HIVEP3: variants seen among roughly 807,000 people sequenced by gnomAD.
HIVEP3 encodes the protein transcription factor HIVEP3.
Under a neutral mutation model 152.8 loss-of-function variants are expected in HIVEP3, and 49 were observed. That is an observed-to-expected ratio of 0.32 (90% CI 0.26 to 0.41). HIVEP3 has a LOEUF of 0.41. Ranked by LOEUF, HIVEP3 falls within the 10% of genes least tolerant of loss-of-function variation. HIVEP3 has a pLI of 1.00. For missense variants in HIVEP3, 2,790 were observed against 3,103.3 expected, an observed-to-expected ratio of 0.90 and a Z score of 2.40; for synonymous variants, 1,269 against 1,289.0, an observed-to-expected ratio of 0.98 and a Z score of 0.33.
intron 1 of HIVEP3, among the ~76,000 whole-genome samples, chr1:41,744,047 G>GT (rs35867428): frequency 0.083 from 12,307 of 148,526 alleles, 1,694 homozygotes; most frequent in African/African-American, 0.28. Context: ...GCATTTTTTT[G>GT]TTTTTTTTTT....
intron 1 of HIVEP3, among the ~76,000 whole-genome samples, chr1:41,778,123 G>C (rs1648825679): frequency 6.6e-6 from 1 of 152,158 alleles, no homozygotes; most frequent in Admixed American, 6.5e-5. Flanking sequence ...GCACTTCATT[G>C]ACCGAAAAGT....
At chr1:41,968,687 T>C (rs1470062455) in intron 1 of HIVEP3, among the ~76,000 whole-genome samples, 4 of 152,126 alleles carry the variant, frequency 2.6e-5, no homozygotes, top group African/African-American at 9.7e-5. Context: ...CTATTCAACA[T>C]AGTATTCAAA....
intron 1 of HIVEP3, among the ~76,000 whole-genome samples, chr1:41,766,285 G>T (rs1209960142): frequency 1.3e-5 from 2 of 152,180 alleles, no homozygotes; most frequent in African/African-American, 2.4e-5. Context: ...ACAACTAGAG[G>T]TTACTACTGG....
intron 1 of HIVEP3, among the ~76,000 whole-genome samples, chr1:42,011,288 A>G (rs946501206): frequency 6.6e-6 from 1 of 152,228 alleles, no homozygotes; most frequent in Non-Finnish European, 1.5e-5. Context: ...TGGAAAACCA[A>G]TATAATGTGG....
Position 41,581,856 on chromosome 1 carries a change from T to C in HIVEP3, c.2942A>G (p.His981Arg). The change falls in exon 4 of 9, where the codon CAC becomes CGC. Residue 981 changes from histidine (H) to arginine (R), a missense_variant. His to Arg is a conservative substitution (Grantham distance 29). Around this residue, in one of 9 missense-constraint regions of HIVEP3, gnomAD observed 1,078 missense variants for 1,165.3 expected, o/e 0.93. Transcript: ENST00000372583. The surrounding 1 kb of genome is among the most constrained non-coding windows in gnomAD (Gnocchi z 4.5). ...LGTHMLTVPSHHPHAREMRRS... is the reference protein window; with the variant it reads ...LGTHMLTVPSRHPHAREMRRS... ...CCGCATCTCTCGGGCATGTGGGTGG[T>C]GGCTGGGGACAGTCAACATGTGGGT... The C allele has an allele frequency of 6.2e-7, 1 of 1,604,308 alleles. No individual in the cohort carries two copies. The highest frequency in any genetic ancestry group is 8.5e-7 in the Non-Finnish European group (1 of 1,174,204).
chr1:41,860,805 C>T (rs986538669), intron 1 of HIVEP3, among the ~76,000 whole-genome samples: 19 of 152,224 alleles, frequency 1.2e-4, no homozygotes, highest in Non-Finnish European at 2.2e-4. Context: ...AATTACTCCA[C>T]TAACGAAGAA....
At chr1:41,689,925 G>C (rs749253669) in intron 2 of HIVEP3, among the ~76,000 whole-genome samples, 2 of 152,218 alleles carry the variant, frequency 1.3e-5, no homozygotes, top group Non-Finnish European at 2.9e-5. Context: ...TGGTCACAGA[G>C]GCTTCTAGCC....
chr1:41,610,499 G>A (rs1644882259), intron 3 of HIVEP3, among the ~76,000 whole-genome samples: 1 of 152,174 alleles, frequency 6.6e-6, no homozygotes, highest in Admixed American at 6.5e-5. Context: ...ATGGTGGGAG[G>A]GGCATTCCCA....
intron 3 of HIVEP3, among the ~76,000 whole-genome samples, chr1:41,597,799 A>G (rs1644687954): frequency 2.0e-5 from 3 of 152,184 alleles, no homozygotes; most frequent in African/African-American, 7.2e-5. Flanking sequence ...CTCCTGGAAA[A>G]GTATCGACAG....
chr1:41,703,056 C>G (rs144514718), intron 1 of HIVEP3, among the ~76,000 whole-genome samples: 301 of 152,266 alleles, frequency 2.0e-3, no homozygotes, highest in African/African-American at 6.8e-3. Flanking sequence ...CATTTAGTCT[C>G]CACGAAAATT....
At chr1:41,862,685 A>G (rs751282100) in intron 1 of HIVEP3, among the ~76,000 whole-genome samples, 48 of 152,206 alleles carry the variant, frequency 3.2e-4, no homozygotes, top group Non-Finnish European at 6.0e-4. Flanking sequence ...CAGATTCAAC[A>G]GGACTGTGGA....
intron 1 of HIVEP3, among the ~76,000 whole-genome samples, chr1:41,709,663 G>C (rs1262873389): frequency 6.6e-6 from 1 of 152,252 alleles, no homozygotes; most frequent in East Asian, 1.9e-4. Context: ...TGGAGTTCAT[G>C]TGGGGCTCTG....
intron 1 of HIVEP3, among the ~76,000 whole-genome samples, chr1:41,871,188 C>T (rs1010002910): frequency 5.9e-5 from 9 of 152,184 alleles, no homozygotes; most frequent in African/African-American, 2.2e-4. Flanking sequence ...GATGGGTTAT[C>T]TACTCCAACT....
chr1:41,974,350 G>T (rs12085467), intron 1 of HIVEP3, among the ~76,000 whole-genome samples: 13 of 151,654 alleles, frequency 8.6e-5, no homozygotes, highest in Admixed American at 8.5e-4. Context: ...CTTCCCTCCC[G>T]TTCCTGTCCA....
chr1:41,904,121 T>C (rs979518080), intron 1 of HIVEP3, among the ~76,000 whole-genome samples: 3 of 152,090 alleles, frequency 2.0e-5, no homozygotes, highest in Non-Finnish European at 4.4e-5. Context: ...AATCTCGAAC[T>C]CATGGCCTCA....
At chr1:41,823,807 G>C (rs533331191) in intron 1 of HIVEP3, among the ~76,000 whole-genome samples, 16 of 152,300 alleles carry the variant, frequency 1.1e-4, no homozygotes, top group African/African-American at 3.8e-4. Context: ...GTGTCACTGG[G>C]GGTACACACA....
rs1645038439 is a variant in HIVEP3, at chr1:41,940,060, G to T, written n.120-21536C>A. 2.0e-5 allele frequency among the ~76,000 whole-genome samples: 3 copies of T among 152,034 alleles called. No individual in the cohort carries two copies. The South Asian group carries it at 6.2e-4, about 32-fold the overall frequency. On this transcript the variant is annotated intron_variant and non_coding_transcript_variant, in intron 1 of 3. Coordinates refer to the HIVEP3 transcript ENST00000489103. ...CAATATTAATTACAAAATGATTTTTGAATGATACCTAAAAGATACCTCACA... is the reference window on the plus strand; with the variant it reads ...CAATATTAATTACAAAATGATTTTTTAATGATACCTAAAAGATACCTCACA...
At chr1:41,640,391 A>G (rs539285418) in intron 2 of HIVEP3, among the ~76,000 whole-genome samples, 1 of 152,260 alleles carries the variant, frequency 6.6e-6, no homozygotes, top group South Asian at 2.1e-4. Flanking sequence ...GGCACTCTAC[A>G]CAGGGGAGCA....
At chr1:41,611,180 G>A (rs1397282849) in intron 3 of HIVEP3, among the ~76,000 whole-genome samples, 1 of 152,212 alleles carries the variant, frequency 6.6e-6, no homozygotes, top group Non-Finnish European at 1.5e-5. Context: ...ATGAATGAGT[G>A]AATGGATGAA....
Sources: allele counts gnomAD v4.1 joint callset (sites outside exome capture counted in the v4.1 genomes callset), GRCh38; gene constraint gnomAD v4.1.1; regional missense constraint gnomAD v4.1.1; non-coding constraint Gnocchi (gnomAD v3.1); transcripts MANE v1.5; gene names NCBI Gene and HGNC (gene_info 2026-07-23, HGNC 2026-07-21).